The following ST8SIA6 variants were observed in gnomAD, a reference collection of about 807,000 sequenced individuals.
ST8SIA6 encodes the protein ST8 alpha-N-acetyl-neuraminide alpha-2,8-sialyltransferase 6, also known as alpha-2,8-sialyltransferase 8F.
In ST8SIA6, 39 loss-of-function variants were observed where a neutral mutation model predicts 33.6. The ratio of observed to expected loss-of-function variants is 1.16; its 90% CI spans 0.90 to 1.52. ST8SIA6 has a LOEUF of 1.52. Ranked by LOEUF, ST8SIA6 falls within the 40% of genes most tolerant of loss-of-function variation. The pLI is 0.00. For synonymous variants in ST8SIA6, 172 were observed against 167.2 expected (o/e 1.03, Z -0.22); for missense variants, 441 against 443.8 (o/e 0.99, Z 0.06).
intron 2 of ST8SIA6, among the ~76,000 whole-genome samples, chr10:17,452,105 T>G (rs1852934522): frequency 6.6e-6 from 1 of 152,232 alleles, no homozygotes; most frequent in Non-Finnish European, 1.5e-5. Context: ...GGAATGCTTC[T>G]CAGCTCATCA....
chr10:17,431,736 GAAAA>G (rs113184112), intron 2 of ST8SIA6, among the ~76,000 whole-genome samples: 23,259 of 118,866 alleles, frequency 0.2, 2,511 homozygotes, highest in African/African-American at 0.34. Context: ...TCTTCGTTTG[GAAAA>G]AAAAAAAAAA....
At chr10:17,351,594 C>G (rs772854334) in intron 4 of ST8SIA6, among the ~76,000 whole-genome samples, 2 of 151,132 alleles carry the variant, frequency 1.3e-5, no homozygotes, top group Non-Finnish European at 2.9e-5. Flanking sequence ...AAGATACCTA[C>G]ACTCCCACGT....
At chr10:17,358,055 T>A (rs567295814) in intron 4 of ST8SIA6, among the ~76,000 whole-genome samples, 2 of 152,288 alleles carry the variant, frequency 1.3e-5, no homozygotes, top group South Asian at 4.1e-4. Context: ...GTCCTGGAAA[T>A]GAAATCGTTA....
chr10:17,349,627 A>G (rs955014096), intron 4 of ST8SIA6, among the ~76,000 whole-genome samples: 3 of 152,240 alleles, frequency 2.0e-5, no homozygotes, highest in African/African-American at 7.2e-5. Context: ...CAAAGGTAAA[A>G]TGCTGCCTTT....
At chr10:17,343,379 G>C (rs1848734662) in intron 4 of ST8SIA6, among the ~76,000 whole-genome samples, 1 of 152,166 alleles carries the variant, frequency 6.6e-6, no homozygotes, top group Non-Finnish European at 1.5e-5. Context: ...GAGAGCCACA[G>C]AAAATATTGT....
chr10:17,390,027 C>T (rs1850527804), intron 3 of ST8SIA6, among the ~76,000 whole-genome samples: 1 of 152,072 alleles, frequency 6.6e-6, no homozygotes, highest in Non-Finnish European at 1.5e-5. Context: ...CTTGCTCTGT[C>T]CCCTGGGCTG....
At chr10:17,380,348 G>A (rs1237846300) in intron 3 of ST8SIA6, among the ~76,000 whole-genome samples, 1 of 152,166 alleles carries the variant, frequency 6.6e-6, no homozygotes, top group Non-Finnish European at 1.5e-5. Context: ...CAACCAGCTG[G>A]TGTTAATGTC....
At chr10:17,420,809 G>T (rs1851758798) in intron 2 of ST8SIA6, among the ~76,000 whole-genome samples, 1 of 152,202 alleles carries the variant, frequency 6.6e-6, no homozygotes, top group South Asian at 2.1e-4. Flanking sequence ...AAGGAAAGAG[G>T]TTTAATTGAC....
At chr10:17,330,193 T>C (rs1336047600) in intron 5 of ST8SIA6, among the ~76,000 whole-genome samples, 1 of 152,188 alleles carries the variant, frequency 6.6e-6, no homozygotes, top group Non-Finnish European at 1.5e-5. Flanking sequence ...CCCAGTTACA[T>C]ACATAATTAT....
At chr10:17,400,941 A>C (rs1851015370) in intron 2 of ST8SIA6, among the ~76,000 whole-genome samples, 1 of 152,220 alleles carries the variant, frequency 6.6e-6, no homozygotes, top group Non-Finnish European at 1.5e-5. Flanking sequence ...GCAATCAGGC[A>C]GGAGAAAGAA....
intron 4 of ST8SIA6, among the ~76,000 whole-genome samples, chr10:17,353,769 T>G (rs942440051): frequency 1.3e-5 from 2 of 152,192 alleles, no homozygotes; most frequent in Non-Finnish European, 2.9e-5. Context: ...ATAATAGCAC[T>G]GTTTCCTGCC....
chr10:17,362,781 G>A (rs1219546803), intron 3 of ST8SIA6, among the ~76,000 whole-genome samples: 4 of 151,940 alleles, frequency 2.6e-5, no homozygotes, highest in African/African-American at 9.7e-5. Flanking sequence ...GTGGGATCTC[G>A]GTTCACTGCA....
At chr10:17,400,984 C>T (rs887066275) in intron 2 of ST8SIA6, among the ~76,000 whole-genome samples, 3 of 152,180 alleles carry the variant, frequency 2.0e-5, no homozygotes, top group African/African-American at 7.2e-5. Context: ...AAGAGGCAGT[C>T]AAATTGTCCC....
intron 4 of ST8SIA6, among the ~76,000 whole-genome samples, chr10:17,337,650 T>C (rs1848549169): frequency 6.6e-6 from 1 of 152,240 alleles, no homozygotes; most frequent in Non-Finnish European, 1.5e-5. Context: ...AAAGCTGACC[T>C]GCTTACAACA....
chr10:17,411,243 G>T (rs1311689732), intron 2 of ST8SIA6, among the ~76,000 whole-genome samples: 3 of 152,030 alleles, frequency 2.0e-5, no homozygotes, highest in African/African-American at 7.3e-5. Context: ...CTGGAGTGCA[G>T]TGCGATCTCG....
intron 3 of ST8SIA6, among the ~76,000 whole-genome samples, chr10:17,378,689 C>CT (rs1457897317): frequency 6.6e-6 from 1 of 152,188 alleles, no homozygotes; most frequent in South Asian, 2.1e-4. Context: ...GCGTGAACTA[C>CT]TTTAAGTCCA....
chr10:17,325,001 A>C (rs1422232186), intron 6 of ST8SIA6, among the ~76,000 whole-genome samples: 3 of 144,008 alleles, frequency 2.1e-5, no homozygotes, highest in Non-Finnish European at 3.0e-5. Context: ...ACATATTATA[A>C]ATATATAACA....
In ST8SIA6 at chr10:17,406,116, G is replaced by C. The variant is rs1171618269; in HGVS notation, c.201-15496C>G. On this transcript the variant is annotated intron_variant, in intron 2 of 7. Transcript: ENST00000377602. ...GTGTCACCTCAAAATATGCCTCTTT[G>C]ACATAAATGTTTTTTGAGCTAAAGG... 3.3e-5 allele frequency among the ~76,000 whole-genome samples: 5 copies of C among 152,252 alleles called. No homozygotes were observed. The East Asian group carries it at 7.7e-4, about 24-fold the overall frequency.
At chr10:17,344,429 C>A (rs554087613) in intron 4 of ST8SIA6, among the ~76,000 whole-genome samples, 26 of 152,280 alleles carry the variant, frequency 1.7e-4, no homozygotes, top group African/African-American at 6.0e-4. Context: ...AGAATGAGAG[C>A]CAAGCGAAAC....
Sources: allele counts gnomAD v4.1 joint callset (sites outside exome capture counted in the v4.1 genomes callset), GRCh38; gene constraint gnomAD v4.1.1; transcripts MANE v1.5; gene names NCBI Gene and HGNC (gene_info 2026-07-23, HGNC 2026-07-21).